The following CNTNAP2 variants were observed in gnomAD, a reference collection of about 807,000 sequenced individuals.
CNTNAP2 encodes the protein contactin associated protein 2.
A neutral mutation model predicts 155.2 loss-of-function variants in CNTNAP2; 98 were observed. The ratio of observed to expected loss-of-function variants is 0.63; its 90% confidence interval spans 0.54 to 0.75. CNTNAP2 has a LOEUF of 0.75. Ranked by LOEUF, CNTNAP2 falls within the 30% of genes least tolerant of loss-of-function variation. The pLI is 0.00. For missense variants in CNTNAP2, 1,727 were observed against 1,688.1 expected, an observed-to-expected ratio of 1.02 and a Z score of -0.40; for synonymous variants, 651 against 631.2, an observed-to-expected ratio of 1.03 and a Z score of -0.47.
intron 23 of CNTNAP2, chr7:148,414,962 T>A (rs1437382151): frequency 4.0e-6 from 1 of 248,840 alleles, no homozygotes; most frequent in Non-Finnish European, 7.9e-6. Context: ...GGGTTCTTTC[T>A]ATACATAGCT....
intron 8 of CNTNAP2, among the ~76,000 whole-genome samples, chr7:147,263,465 C>A (rs1411529640): frequency 6.6e-6 from 1 of 152,030 alleles, no homozygotes; most frequent in East Asian, 1.9e-4. Flanking sequence ...TAAAAAGTTA[C>A]CTATTTTTAA....
intron 13 of CNTNAP2, among the ~76,000 whole-genome samples, chr7:147,874,535 A>C (rs533377008): frequency 6.6e-6 from 1 of 152,370 alleles, no homozygotes; most frequent in Non-Finnish European, 1.5e-5. Context: ...TAGGCTGCAC[A>C]CAGCAGGGGG....
rs181966637 is a variant in CNTNAP2, at chr7:147,759,741, C to A, written c.2098+120435C>A. On this transcript the variant is annotated intron_variant, in intron 13 of 23. Transcript: ENST00000361727. ...TTTCTAAGTGATGCATGTAGGCCAT[C>A]GTTTCCACAAGGAAGCCATTGTGGT... Among the ~76,000 whole-genome samples, 453 of 152,294 alleles carry A rather than the reference C, an allele frequency of 3.0e-3. 11 individuals carry two copies. The highest frequency in any genetic ancestry group is 0.028 in the Admixed American group (430 of 15,292).
chr7:146,346,765 C>T (rs140001938), intron 1 of CNTNAP2, among the ~76,000 whole-genome samples: 1 of 151,918 alleles, frequency 6.6e-6, no homozygotes, highest in African/African-American at 2.4e-5. Flanking sequence ...GATGATCTAA[C>T]GTGGGACAGT....
intron 9 of CNTNAP2, among the ~76,000 whole-genome samples, chr7:147,360,680 T>C (rs1253805729): frequency 6.6e-6 from 1 of 152,104 alleles, no homozygotes; most frequent in African/African-American, 2.4e-5. Flanking sequence ...TCACACTGTG[T>C]TCTTTCTGAT....
At chr7:147,878,398 G>A (rs1799461081) in intron 13 of CNTNAP2, among the ~76,000 whole-genome samples, 1 of 146,800 alleles carries the variant, frequency 6.8e-6, no homozygotes, top group African/African-American at 2.4e-5. Context: ...ACTTGACTTT[G>A]CTAATTACTT....
At chr7:147,997,636 C>T (rs1801827138) in intron 15 of CNTNAP2, among the ~76,000 whole-genome samples, 1 of 151,752 alleles carries the variant, frequency 6.6e-6, no homozygotes, top group African/African-American at 2.4e-5. Flanking sequence ...AAAAAGAATA[C>T]TTTGAAAGTT....
Position 146,989,222 on chromosome 7 carries a change from AG to A in CNTNAP2, c.403-54683del, listed in dbSNP as rs199920103. ...GGAAAGGAAGGGAAGGAAAGAAAGA[AG>A]GATTGGGAAGAGATAAAACTTGGGA... On this transcript the variant is annotated intron_variant, in intron 3 of 23. Coordinates refer to ENST00000361727, the MANE Select transcript of CNTNAP2 (RefSeq NM_014141.6). Among the ~76,000 whole-genome samples, 1,372 of 152,224 alleles carry A rather than the reference AG, an allele frequency of 9.0e-3. 7 individuals carry two copies. Among genetic ancestry groups the A allele is most frequent in the Non-Finnish European group, 0.014 (959 of 68,010 alleles).
chr7:147,656,038 A>T (rs1417756840), intron 13 of CNTNAP2, among the ~76,000 whole-genome samples: 1 of 152,230 alleles, frequency 6.6e-6, no homozygotes, highest in African/African-American at 2.4e-5. Context: ...ATTACGAAGA[A>T]GGCTTCTTTC....
chr7:148,087,154 C>T (rs550809219), intron 15 of CNTNAP2, among the ~76,000 whole-genome samples: 40 of 152,224 alleles, frequency 2.6e-4, no homozygotes, highest in South Asian at 1.9e-3. Context: ...CTTTCTACAG[C>T]GTGGTCACTG....
At chr7:146,827,276 G>C (rs1287337389) in intron 2 of CNTNAP2, among the ~76,000 whole-genome samples, 1 of 151,970 alleles carries the variant, frequency 6.6e-6, no homozygotes, top group African/African-American at 2.4e-5. Flanking sequence ...GCAATCCTAA[G>C]AGTTTACTTA....
At chr7:147,742,659 T>C (rs1340457783) in intron 13 of CNTNAP2, among the ~76,000 whole-genome samples, 1 of 152,246 alleles carries the variant, frequency 6.6e-6, no homozygotes, top group Admixed American at 6.5e-5. Context: ...AGTAGGATTC[T>C]GGATATTCAG....
At chr7:146,822,231 C>T (rs957202328) in intron 2 of CNTNAP2, among the ~76,000 whole-genome samples, 1 of 151,888 alleles carries the variant, frequency 6.6e-6, no homozygotes, top group East Asian at 1.9e-4. Flanking sequence ...ACAAAAAACC[C>T]AACACCACAT....
At chr7:147,418,135 AC>A (rs1209235580) in intron 10 of CNTNAP2, among the ~76,000 whole-genome samples, 1 of 152,210 alleles carries the variant, frequency 6.6e-6, no homozygotes, top group Non-Finnish European at 1.5e-5. Flanking sequence ...TATGGTACTT[AC>A]TTATTTTCTA....
intron 20 of CNTNAP2, among the ~76,000 whole-genome samples, chr7:148,259,179 TAAAAAAAAAAAAAAAAA>T (rs34229180): frequency 4.2e-5 from 1 of 24,018 alleles, no homozygotes. Flanking sequence ...AACTCCGTCT[TAAAAAAAAAAAAAAAAA>T]AAAAAAAAAA....
intron 9 of CNTNAP2, among the ~76,000 whole-genome samples, chr7:147,394,738 G>A (rs1284993718): frequency 3.3e-5 from 5 of 150,626 alleles, no homozygotes; most frequent in Non-Finnish European, 7.4e-5. Flanking sequence ...AAGTTATTTA[G>A]CAATAAACTC....
intron 18 of CNTNAP2, among the ~76,000 whole-genome samples, chr7:148,198,722 G>A (rs1488223197): frequency 6.6e-6 from 1 of 152,204 alleles, no homozygotes; most frequent in Non-Finnish European, 1.5e-5. Context: ...AGCTTCATAG[G>A]ATATTTGTAT....
chr7:148,379,587 G>A (rs1799007522), intron 21 of CNTNAP2, among the ~76,000 whole-genome samples: 1 of 152,062 alleles, frequency 6.6e-6, no homozygotes, highest in African/African-American at 2.4e-5. Context: ...TAGCACACGA[G>A]TGTGGTTCCA....
At chr7:146,353,118 T>C (rs1794947378) in intron 1 of CNTNAP2, among the ~76,000 whole-genome samples, 1 of 152,170 alleles carries the variant, frequency 6.6e-6, no homozygotes, top group South Asian at 2.1e-4. Context: ...GTTAGTACTA[T>C]GGTTTTAATT....
Sources: gnomAD v4.1 joint callset for allele counts (sites outside exome capture counted in the v4.1 genomes callset) on GRCh38, gnomAD v4.1.1 for gene constraint, MANE v1.5 for transcripts, NCBI Gene and HGNC (gene_info 2026-07-23, HGNC 2026-07-21) for gene names.